OSBPL3: variants seen among roughly 807,000 people sequenced by gnomAD.
OSBPL3 encodes the protein oxysterol binding protein like 3, also known as oxysterol-binding protein-related protein 3.
In OSBPL3, 65 loss-of-function variants were observed where a neutral mutation model predicts 120.1. The observed-to-expected ratio is 0.54, with a 90% CI of 0.44 to 0.67. The LOEUF is 0.67. OSBPL3 is among the 30% of genes least tolerant of loss of function. OSBPL3 has a pLI of 0.00. For missense variants in OSBPL3, 1,004 were observed against 1,082.1 expected (o/e 0.93, Z 1.01); for synonymous variants, 416 against 402.6 (o/e 1.03, Z -0.40).
rs1371624346 is a variant in OSBPL3, at chr7:24,840,716, T to C, written c.1469A>G (p.Asp490Gly). The change falls in exon 14 of 23, where the codon GAT becomes GGT. Residue 490 changes from aspartate (D) to glycine (G), a missense_variant. By Grantham distance (94) the Asp-to-Gly change is moderately conservative. Around this residue, in one of 4 missense-constraint regions of OSBPL3, gnomAD observed 473 missense variants for 568.0 expected, o/e 0.83. Coordinates refer to ENST00000313367, the MANE Select transcript of OSBPL3 (RefSeq NM_015550.4). ...DNLSLDNLSN[D>G]LDNERQTLGP... ...CAAGGTCTGTCTCTCATTATCTAAA[T>C]CATTACTGAGATTATCTAAGGAAAG... 13 of 1,453,538 alleles carry C rather than the reference T, an allele frequency of 8.9e-6. No homozygotes were observed. The highest frequency in any genetic ancestry group is 1.2e-5 in the Non-Finnish European group (13 of 1,057,612). The allele number at this position is 1,453,538 out of a possible 1,614,324, so 90.0% of individuals were successfully genotyped here. A position where few individuals can be genotyped will look rare whatever the true frequency, so the allele number is the denominator to read the frequency against.
Position 24,932,287 on chromosome 7 carries a change from G to A in OSBPL3, c.-149-39666C>T, listed in dbSNP as rs1279975551. ...GGACTGAAGATCACCTTTTTATCCA[G>A]TGTACTTGCAGCATTCCCCGGTCAA... On this transcript the variant is annotated intron_variant, in intron 1 of 22. Transcript: ENST00000313367. The surrounding 1 kb of genome is among the most constrained non-coding windows in gnomAD (Gnocchi z 5.6). Among the ~76,000 whole-genome samples, 4 of 152,220 alleles carry A rather than the reference G, an allele frequency of 2.6e-5. No homozygotes were observed. The highest frequency in any genetic ancestry group is 5.9e-5 in the Non-Finnish European group (4 of 68,044).
chr7:24,825,980 G>T (rs1286748166), intron 16 of OSBPL3, among the ~76,000 whole-genome samples: 1 of 152,194 alleles, frequency 6.6e-6, no homozygotes, highest in Non-Finnish European at 1.5e-5. Context: ...ATTAGGAAAA[G>T]CTACTTTTAG....
Position 24,980,115 on chromosome 7 carries a change from C to T in OSBPL3, c.-379G>A, listed in dbSNP as rs566339639. The T allele has an allele frequency of 6.2e-4, 580 of 931,244 alleles. 1 individual carries two copies. The African/African-American group carries it at 9.4e-3, about 15-fold the overall frequency. 57.7% of individuals were successfully genotyped at this position (931,244 alleles called of 1,614,324 possible). On this transcript the variant is annotated 5_prime_UTR_variant, in exon 1 of 23. Coordinates refer to ENST00000313367, the MANE Select transcript of OSBPL3 (RefSeq NM_015550.4). ...CCGCGAAGCGCTCAAGTCCCCTCTC[C>T]CGGGCCGGCTGGCGGGCGCCACCAG...
Position 24,968,373 on chromosome 7 carries a change from G to A in OSBPL3, c.-150+11513C>T, listed in dbSNP as rs537831428. On this transcript the variant is annotated intron_variant, in intron 1 of 22. Coordinates refer to ENST00000313367, the MANE Select transcript of OSBPL3 (RefSeq NM_015550.4). This position sits in a 1 kb window ranked among gnomAD's most constrained non-coding sequence, Gnocchi z 4.6. ...CACGCACAGTTGGTTCCCACATGCC[G>A]GTGTAAACTGGCTTCAGCACACCAG... Among the ~76,000 whole-genome samples the A allele has an allele frequency of 5.9e-5, 9 of 152,264 alleles. No individual in the cohort carries two copies. In the East Asian group the frequency reaches 9.6e-4, roughly 16 times the overall value.
chr7:24,936,635 GGAAA>G lies in OSBPL3; in HGVS notation c.-150+43247_-150+43250del, dbSNP rs1812458139. ...GTGGCAAAGAGAAAATGAAAATAGGGGAAAGAGTCACTCTAGTCACAGAGACTGC... is the reference window on the plus strand; with the variant it reads ...GTGGCAAAGAGAAAATGAAAATAGGGGAGTCACTCTAGTCACAGAGACTGC... On this transcript the variant is annotated intron_variant, in intron 1 of 22. Coordinates refer to ENST00000313367, the MANE Select transcript of OSBPL3 (RefSeq NM_015550.4). This position sits in a 1 kb window ranked among gnomAD's most constrained non-coding sequence, Gnocchi z 4.2. 6.6e-6 allele frequency among the ~76,000 whole-genome samples: 1 copy of G among 152,168 alleles called. No individual in the cohort carries two copies. Among genetic ancestry groups the G allele is most frequent in the Non-Finnish European group, 1.5e-5 (1 of 68,044 alleles).
Position 24,959,444 on chromosome 7 carries a change from CA to C in OSBPL3, c.-150+20441del, listed in dbSNP as rs113798957. On this transcript the variant is annotated intron_variant, in intron 1 of 22. Coordinates refer to ENST00000313367, the MANE Select transcript of OSBPL3 (RefSeq NM_015550.4). The surrounding 1 kb of genome is among the most constrained non-coding windows in gnomAD (Gnocchi z 4.3). ...CACATCAAAATATGAGTGACTCTCA[CA>C]GACCTAAAGCGTTAACATGAGTCAA... Among the ~76,000 whole-genome samples, 2,183 of 152,262 alleles carry C rather than the reference CA, an allele frequency of 0.014. 52 individuals carry two copies. The highest frequency in any genetic ancestry group is 0.05 in the African/African-American group (2,075 of 41,542).
rs1226566974 is a variant in OSBPL3, at chr7:24,808,461, C to G, written c.2317+1346G>C. 6.6e-6 allele frequency among the ~76,000 whole-genome samples: 1 copy of G among 152,208 alleles called. No homozygotes were observed. The highest frequency in any genetic ancestry group is 1.5e-5 in the Non-Finnish European group (1 of 68,036). On this transcript the variant is annotated intron_variant, in intron 20 of 22. Transcript: ENST00000313367. The surrounding 1 kb of genome is among the most constrained non-coding windows in gnomAD (Gnocchi z 4.6). ...TCAAGGTGGTACTTTAACACTGAGA[C>G]AGGATCGCAGTTCTCATCTGTGATG... is the stretch of plus-strand genomic sequence containing the variant.
chr7:24,943,041 G>T (rs1813281267), intron 1 of OSBPL3, among the ~76,000 whole-genome samples: 1 of 152,204 alleles, frequency 6.6e-6, no homozygotes, highest in Admixed American at 6.5e-5. Context: ...CCTCTCTCTG[G>T]CTCCAAACAG....
chr7:24,870,508 C>T (rs4722397), intron 5 of OSBPL3, among the ~76,000 whole-genome samples: 40 of 152,088 alleles, frequency 2.6e-4, no homozygotes, highest in Non-Finnish European at 5.4e-4. Flanking sequence ...GGGGCAGGTT[C>T]GTATCTAGGG....
intron 12 of OSBPL3, among the ~76,000 whole-genome samples, chr7:24,844,881 G>A (rs1399545621): frequency 6.6e-6 from 1 of 152,004 alleles, no homozygotes; most frequent in East Asian, 1.9e-4. Flanking sequence ...TCTACATATT[G>A]TCTGCTCCAT....
chr7:24,860,222 C>T (rs550634280), intron 10 of OSBPL3, among the ~76,000 whole-genome samples: 7 of 152,324 alleles, frequency 4.6e-5, no homozygotes, highest in East Asian at 1.9e-4. Context: ...ATCCCTTGTG[C>T]TACCCCTTTA....
chr7:24,886,129 CTGAA>C (rs1804497625), intron 2 of OSBPL3, among the ~76,000 whole-genome samples: 2 of 152,208 alleles, frequency 1.3e-5, no homozygotes, highest in African/African-American at 4.8e-5. Flanking sequence ...TCTACACTTA[CTGAA>C]TGTTTCCCCT....
rs1382342171 is a variant in OSBPL3, at chr7:24,967,373, T to C, written c.-150+12513A>G. ...CCTTTGCTCATCACTCCCCTCTACC[T>C]GAAATGTCCTTCTCTCCCATTTCTC... On this transcript the variant is annotated intron_variant, in intron 1 of 22. Coordinates refer to ENST00000313367, the MANE Select transcript of OSBPL3 (RefSeq NM_015550.4). This position sits in a 1 kb window ranked among gnomAD's most constrained non-coding sequence, Gnocchi z 5.6. 6.6e-6 allele frequency among the ~76,000 whole-genome samples: 1 copy of C among 152,144 alleles called. No homozygotes were observed. Among genetic ancestry groups the C allele is most frequent in the East Asian group, 1.9e-4 (1 of 5,198 alleles).
chr7:24,870,757 G>C lies in OSBPL3; in HGVS notation c.356C>G (p.Thr119Ser). The C allele has an allele frequency of 6.2e-7, 1 of 1,610,252 alleles. No individual in the cohort carries two copies. The highest frequency in any genetic ancestry group is 8.5e-7 in the Non-Finnish European group (1 of 1,176,452). The change falls in exon 5 of 23, where the codon ACC becomes AGC. Residue 119 changes from threonine (T) to serine (S), a missense_variant. Physicochemically the swap from Thr to Ser is moderately conservative, Grantham distance 58 (BLOSUM62 1). This residue lies in a region of OSBPL3 where 255 missense variants were observed against 248.7 expected (regional missense o/e 1.03). Coordinates refer to ENST00000313367, the MANE Select transcript of OSBPL3 (RefSeq NM_015550.4). Reference protein sequence around the residue: ...KKSSKCIDLDTEEHIYHLKVK... With the variant: ...KKSSKCIDLDSEEHIYHLKVK... ...CTTCAGATGGTAGATGTGCTCCTCGGTGTCAAGGTCTATGCATTTTGATGA... is the reference window on the plus strand; with the variant it reads ...CTTCAGATGGTAGATGTGCTCCTCGCTGTCAAGGTCTATGCATTTTGATGA...
intron 20 of OSBPL3, among the ~76,000 whole-genome samples, chr7:24,807,504 A>C (rs905579263): frequency 6.8e-6 from 1 of 147,768 alleles, no homozygotes; most frequent in African/African-American, 2.4e-5. Flanking sequence ...AAAAATAATA[A>C]TAATAATAAT....
intron 1 of OSBPL3, among the ~76,000 whole-genome samples, chr7:24,903,764 C>T (rs1415422775): frequency 6.6e-6 from 1 of 152,204 alleles, no homozygotes; most frequent in African/African-American, 2.4e-5. Context: ...ATGGGCCTCA[C>T]TATTGGCACA....
chr7:24,867,509 G>A lies in OSBPL3; in HGVS notation c.382-1272C>T, dbSNP rs1475814450. Among the ~76,000 whole-genome samples the A allele has an allele frequency of 1.3e-5, 2 of 152,106 alleles. No individual in the cohort carries two copies. Among genetic ancestry groups the A allele is most frequent in the Non-Finnish European group, 2.9e-5 (2 of 68,034 alleles). On this transcript the variant is annotated intron_variant, in intron 5 of 22. Coordinates refer to ENST00000313367, the MANE Select transcript of OSBPL3 (RefSeq NM_015550.4). The surrounding 1 kb of genome is among the most constrained non-coding windows in gnomAD (Gnocchi z 4.5). Reference sequence around the variant, plus strand: ...CAAGTCATTCCCATGGTGTTCTCGTGGTGGTGCGTGGGTCTCGCAAGATCT... The same window carrying A: ...CAAGTCATTCCCATGGTGTTCTCGTAGTGGTGCGTGGGTCTCGCAAGATCT...
intron 10 of OSBPL3, among the ~76,000 whole-genome samples, chr7:24,859,720 T>C (rs1027297971): frequency 2.0e-5 from 3 of 152,178 alleles, no homozygotes; most frequent in Admixed American, 6.5e-5. Flanking sequence ...GCAATAGAGA[T>C]CATAATGATA....
upstream of OSBPL3, among the ~76,000 whole-genome samples, chr7:24,981,098 A>G (rs1314737618): frequency 2.0e-5 from 3 of 152,182 alleles, no homozygotes; most frequent in Non-Finnish European, 2.9e-5. This position sits in a 1 kb window ranked among gnomAD's most constrained non-coding sequence, Gnocchi z 7.3. Flanking sequence ...AGGCTCCAGT[A>G]CTCACGGGGC....
Sources: allele counts gnomAD v4.1 joint callset (sites outside exome capture counted in the v4.1 genomes callset), GRCh38; gene constraint gnomAD v4.1.1; regional missense constraint gnomAD v4.1.1; non-coding constraint Gnocchi (gnomAD v3.1); transcripts MANE v1.5; gene names NCBI Gene and HGNC (gene_info 2026-07-23, HGNC 2026-07-21).